Variants in GRIK2 observed in about 807,000 individuals in gnomAD.
GRIK2 encodes the protein glutamate receptor ionotropic, kainate 2.
A neutral mutation model predicts 100.3 loss-of-function variants in GRIK2; 32 were observed. That is an observed-to-expected ratio of 0.32 (90% CI 0.24 to 0.43). The LOEUF is 0.43. GRIK2 is among the 20% of genes least tolerant of loss of function. The pLI is 1.00. For synonymous variants in GRIK2, 417 were observed against 389.4 expected (o/e 1.07, Z -0.83); for missense variants, 843 against 1,114.9 (o/e 0.76, Z 3.47).
At chr6:101,462,931 A>C (rs1771409367) in intron 2 of GRIK2, among the ~76,000 whole-genome samples, 1 of 152,144 alleles carries the variant, frequency 6.6e-6, no homozygotes, top group Admixed American at 6.5e-5. Flanking sequence ...CATCTGAGTT[A>C]TGCTGAGAAA....
At chr6:101,868,453 C>G (rs530963040) in intron 11 of GRIK2, among the ~76,000 whole-genome samples, 2 of 150,562 alleles carry the variant, frequency 1.3e-5, no homozygotes, top group South Asian at 4.2e-4. Context: ...AGCAGTGGGC[C>G]GAAAAATTTG....
intron 9 of GRIK2, among the ~76,000 whole-genome samples, chr6:101,804,772 A>G (rs569471206): frequency 3.9e-5 from 6 of 152,104 alleles, no homozygotes; most frequent in Non-Finnish European, 8.8e-5. Context: ...TTCACATCAC[A>G]TGTTTTCAAT....
chr6:101,463,554 A>C (rs1369479976), intron 2 of GRIK2, among the ~76,000 whole-genome samples: 1 of 152,190 alleles, frequency 6.6e-6, no homozygotes, highest in Non-Finnish European at 1.5e-5. Context: ...GGATTGTGGC[A>C]ACATACTGCC....
chr6:101,640,079 AT>A (rs1781215472), intron 4 of GRIK2, among the ~76,000 whole-genome samples: 1 of 152,208 alleles, frequency 6.6e-6, no homozygotes, highest in South Asian at 2.1e-4. Context: ...AACAAAACTT[AT>A]TGTGTAACAT....
intron 4 of GRIK2, among the ~76,000 whole-genome samples, chr6:101,664,818 G>A (rs1314114509): frequency 6.6e-6 from 1 of 152,174 alleles, no homozygotes; most frequent in Non-Finnish European, 1.5e-5. Flanking sequence ...AGGTTAAGGA[G>A]GAGCAAAGGC....
chr6:101,828,369 C>T (rs550678459), intron 10 of GRIK2, among the ~76,000 whole-genome samples: 1 of 151,836 alleles, frequency 6.6e-6, no homozygotes, highest in South Asian at 2.1e-4. Flanking sequence ...CCTAAAGGAA[C>T]TAGAAAAACA....
At chr6:101,466,584 T>C (rs1017821837) in intron 2 of GRIK2, among the ~76,000 whole-genome samples, 7 of 144,728 alleles carry the variant, frequency 4.8e-5, no homozygotes, top group Admixed American at 4.3e-4. Context: ...TTTAAAAGGC[T>C]GCTTTTTTCT....
intron 2 of GRIK2, among the ~76,000 whole-genome samples, chr6:101,422,352 T>A (rs1033569011): frequency 1.3e-5 from 2 of 152,148 alleles, no homozygotes; most frequent in African/African-American, 4.8e-5. Context: ...GAAAGACAAA[T>A]CATATTTTTC....
At chr6:101,753,262 G>A (rs1176163155) in intron 7 of GRIK2, among the ~76,000 whole-genome samples, 1 of 147,678 alleles carries the variant, frequency 6.8e-6, no homozygotes, top group African/African-American at 2.5e-5. Flanking sequence ...CAGCCTGGGC[G>A]GCAGAGCGAG....
chr6:101,828,954 C>T lies in GRIK2; in HGVS notation c.1317+10471C>T, dbSNP rs117035898. Among the ~76,000 whole-genome samples, 664 of 151,868 alleles carry T rather than the reference C, an allele frequency of 4.4e-3. 3 individuals are homozygous for T. Among genetic ancestry groups the T allele is most frequent in the Non-Finnish European group, 7.4e-3 (505 of 67,834 alleles). On this transcript the variant is annotated intron_variant, in intron 10 of 16. Coordinates refer to ENST00000369134, the MANE Select transcript of GRIK2 (RefSeq NM_021956.5). ...CTGATACCAAAATCTGGCAAAGATA[C>T]AACAAAGAAGAAAACTATAGGCCAA... is the stretch of plus-strand genomic sequence containing the variant.
intron 7 of GRIK2, among the ~76,000 whole-genome samples, chr6:101,750,357 A>C (rs547995115): frequency 6.6e-6 from 1 of 152,170 alleles, no homozygotes; most frequent in Non-Finnish European, 1.5e-5. Context: ...CTGAAGAGCC[A>C]GATTTTGTGA....
At chr6:101,424,059 G>T (rs1445371525) in intron 2 of GRIK2, among the ~76,000 whole-genome samples, 1 of 152,102 alleles carries the variant, frequency 6.6e-6, no homozygotes, top group African/African-American at 2.4e-5. Context: ...ATATGTATTT[G>T]GGGGTTGTTA....
chr6:101,898,498 C>T (rs1435529563), intron 12 of GRIK2, among the ~76,000 whole-genome samples: 1 of 151,664 alleles, frequency 6.6e-6, no homozygotes, highest in African/African-American at 2.4e-5. Flanking sequence ...CCTTAGTTAG[C>T]TGTACTTAAG....
intron 6 of GRIK2, among the ~76,000 whole-genome samples, chr6:101,684,411 T>A (rs1771521303): frequency 6.6e-6 from 1 of 152,222 alleles, no homozygotes; most frequent in South Asian, 2.1e-4. Flanking sequence ...CTATTCTCCT[T>A]TAGGAATTCT....
chr6:101,942,181 C>G (rs1164327246), intron 14 of GRIK2, among the ~76,000 whole-genome samples: 1 of 152,132 alleles, frequency 6.6e-6, no homozygotes, highest in Admixed American at 6.5e-5. Context: ...TTTCCCCACA[C>G]AAATCTCATG....
At chr6:101,660,002 A>G (rs1439870605) in intron 4 of GRIK2, among the ~76,000 whole-genome samples, 1 of 152,038 alleles carries the variant, frequency 6.6e-6, no homozygotes, top group Non-Finnish European at 1.5e-5. Flanking sequence ...TGTTTCCTGA[A>G]TTTGAATGTT....
chr6:101,836,078 G>A (rs1441822250), intron 10 of GRIK2, among the ~76,000 whole-genome samples: 5 of 151,196 alleles, frequency 3.3e-5, no homozygotes. Context: ...TGAATTTTTG[G>A]GGAGGCATTA....
At chr6:101,492,155 C>T (rs142093003) in intron 2 of GRIK2, among the ~76,000 whole-genome samples, 5 of 151,866 alleles carry the variant, frequency 3.3e-5, no homozygotes, top group African/African-American at 1.2e-4. Context: ...TACTTTGTCT[C>T]CAGTTGAAAG....
chr6:101,761,704 A>C (rs1283752323), intron 7 of GRIK2, among the ~76,000 whole-genome samples: 3 of 152,092 alleles, frequency 2.0e-5, no homozygotes, highest in Non-Finnish European at 4.4e-5. Context: ...TTTCAAGGTT[A>C]TACTTTTATA....
Sources: gnomAD v4.1 joint callset for allele counts (sites outside exome capture counted in the v4.1 genomes callset) on GRCh38, gnomAD v4.1.1 for gene constraint, MANE v1.5 for transcripts, NCBI Gene and HGNC (gene_info 2026-07-23, HGNC 2026-07-21) for gene names.